The following GABPB1 variants were observed in gnomAD, a reference collection of about 807,000 sequenced individuals.
GABPB1 encodes the protein GA binding protein transcription factor subunit beta 1, also known as GA-binding protein subunit beta-1.
Under a neutral mutation model 45.9 loss-of-function variants are expected in GABPB1, and 15 were observed. The ratio of observed to expected loss-of-function variants is 0.33; its 90% CI spans 0.22 to 0.50. The LOEUF (loss-of-function observed/expected upper bound fraction) is 0.50. Ranked by LOEUF, GABPB1 falls within the 20% of genes least tolerant of loss-of-function variation. The pLI, the probability that GABPB1 is intolerant of heterozygous loss-of-function variation, is 0.98. For missense variants in GABPB1, 252 were observed against 457.5 expected, an observed-to-expected ratio of 0.55 and a Z score of 4.10; for synonymous variants, 143 against 154.4, an observed-to-expected ratio of 0.93 and a Z score of 0.55.
chr15:50,289,795 T>G, intron 6 of GABPB1, 127 bp from the exon 7 acceptor site: 2 of 629,948 alleles, frequency 3.2e-6, no homozygotes, highest in East Asian at 2.8e-5. Flanking sequence ...TAAATAGAGA[T>G]AGGGTCTCAC....
chr15:50,306,321 T>C (rs1339130124), intron 2 of GABPB1, among the ~76,000 whole-genome samples: 5 of 152,084 alleles, frequency 3.3e-5, no homozygotes, highest in East Asian at 1.9e-4. Context: ...AGTCTAGAAA[T>C]AAAACACTGC....
At position 50,309,740 on chromosome 15, in the gene GABPB1, T is replaced by G; in HGVS notation, c.59A>C (p.Asp20Ala). The G allele has an allele frequency of 6.2e-7, 1 of 1,613,632 alleles. No individual in the cohort carries two copies. The highest frequency in any genetic ancestry group is 8.5e-7 in the Non-Finnish European group (1 of 1,179,636). Reference protein sequence around the residue: ...LLEAARAGQDDEVRILMANGA... With the variant: ...LLEAARAGQDAEVRILMANGA... The stretch of plus-strand genomic sequence containing the variant: ...ATTTGCCATCAAAATACGAACTTCA[T>G]CATCTTGACCTGCTCGTGCCGCTTC... Residue 20 changes from aspartate (D) to alanine (A), a missense_variant, in exon 2 of 9, where the codon GAT becomes GCT. Transcript: ENST00000380877.
chr15:50,300,792 G>C lies in GABPB1; in HGVS notation c.694C>G (p.Pro232Ala). Residue 232 changes from proline (P) to alanine (A), a missense_variant, in exon 6 of 9, where the codon CCA (proline) becomes GCA (alanine). Physicochemically the swap from Pro to Ala is conservative, Grantham distance 27. Around this residue, in one of 4 missense-constraint regions of GABPB1, gnomAD observed 193 missense variants for 259.9 expected, o/e 0.74. Transcript: ENST00000380877. ...SAPLSNSSET[P>A]VVATEEVVTA... is the part of the protein sequence containing the mutation. ...ACATTAGACTCGTTTTTCTAACCTGGAGTTTCTGAAGAATTGGACAATGGA... is the reference window on the plus strand; with the variant it reads ...ACATTAGACTCGTTTTTCTAACCTGCAGTTTCTGAAGAATTGGACAATGGA... 4.4e-6 allele frequency: 7 copies of C among 1,594,086 alleles called. No individual in the cohort carries two copies. The highest frequency in any genetic ancestry group is 6.0e-6 in the Non-Finnish European group (7 of 1,161,944).
At chr15:50,339,840 G>A (rs182277052) in intron 1 of GABPB1, among the ~76,000 whole-genome samples, 97 of 152,122 alleles carry the variant, frequency 6.4e-4, no homozygotes, top group African/African-American at 2.3e-3. Context: ...AACTTCCCAG[G>A]CACATGACAA....
chr15:50,347,916 C>T (rs1001563643), intron 1 of GABPB1, among the ~76,000 whole-genome samples: 6 of 151,936 alleles, frequency 3.9e-5, no homozygotes, highest in African/African-American at 1.5e-4. Context: ...ATTAGCTGGG[C>T]ATGGTGGCGG....
At chr15:50,292,851 T>TGTGC (rs889331184) in intron 6 of GABPB1, among the ~76,000 whole-genome samples, 1 of 145,624 alleles carries the variant, frequency 6.9e-6, no homozygotes, top group African/African-American at 2.8e-5. Flanking sequence ...TGTATATGTG[T>TGTGC]GTGTGTGTGT....
intron 1 of GABPB1, among the ~76,000 whole-genome samples, chr15:50,323,160 T>C (rs1303989750): frequency 6.6e-6 from 1 of 152,202 alleles, no homozygotes; most frequent in East Asian, 1.9e-4. Context: ...CACTTGAACC[T>C]AGGAGTTTGA....
At chr15:50,351,295 A>C (rs2048812704) in intron 1 of GABPB1, 2 of 152,300 alleles carry the variant, frequency 1.3e-5, no homozygotes, top group African/African-American at 2.4e-5. Context: ...AATTATTCAC[A>C]GATGGGTGTG....
chr15:50,318,811 T>C (rs2047443755), intron 1 of GABPB1, among the ~76,000 whole-genome samples: 2 of 152,210 alleles, frequency 1.3e-5, no homozygotes, highest in South Asian at 4.1e-4. Flanking sequence ...AAAACTAGAC[T>C]ATTTTTCAGA....
At chr15:50,326,056 C>T (rs1051243204) in intron 1 of GABPB1, among the ~76,000 whole-genome samples, 1 of 115,598 alleles carries the variant, frequency 8.7e-6, no homozygotes, top group African/African-American at 3.4e-5. Flanking sequence ...TATAGGCGCC[C>T]ACCACCACGC....
chr15:50,350,916 C>G (rs975191715), intron 1 of GABPB1: 2 of 152,184 alleles, frequency 1.3e-5, no homozygotes, highest in Non-Finnish European at 2.9e-5. Context: ...GCTGTTACTT[C>G]TTAAAAGAAG....
chr15:50,304,538 C>T (rs1019722535), intron 2 of GABPB1, among the ~76,000 whole-genome samples: 5 of 152,030 alleles, frequency 3.3e-5, no homozygotes, highest in African/African-American at 1.2e-4. Flanking sequence ...TGGTGAAACC[C>T]CATCTCTACT....
chr15:50,334,869 T>C (rs1250526834), intron 1 of GABPB1, among the ~76,000 whole-genome samples: 1 of 152,242 alleles, frequency 6.6e-6, no homozygotes, highest in Non-Finnish European at 1.5e-5. Flanking sequence ...TTGGTTGTTT[T>C]ATTATATATC....
chr15:50,335,264 T>C (rs753637921), intron 1 of GABPB1, among the ~76,000 whole-genome samples: 4 of 152,218 alleles, frequency 2.6e-5, no homozygotes, highest in Non-Finnish European at 2.9e-5. Flanking sequence ...CGGTTAGTTC[T>C]GGTTCATCCT....
At chr15:50,285,388 T>C (rs932439857) in intron 8 of GABPB1, among the ~76,000 whole-genome samples, 9 of 152,164 alleles carry the variant, frequency 5.9e-5, no homozygotes, top group African/African-American at 1.9e-4. Flanking sequence ...GCTGCAGTTG[T>C]TCTTTCAAAG....
chr15:50,354,828 C>T (rs958955159), intron 1 of GABPB1, 157 bp downstream of exon 1: 13 of 231,102 alleles, frequency 5.6e-5, no homozygotes, highest in African/African-American at 2.4e-4. Flanking sequence ...GCGGAATAAG[C>T]GGGGCCAGGA....
At chr15:50,298,711 G>A (rs1301387054) in intron 6 of GABPB1, among the ~76,000 whole-genome samples, 2 of 152,182 alleles carry the variant, frequency 1.3e-5, no homozygotes, top group African/African-American at 2.4e-5. Context: ...CTAGCACCTT[G>A]GGAGGCCGAG....
chr15:50,277,302 G>A lies in GABPB1; in HGVS notation c.*1330C>T, dbSNP rs1443370392. 2 of 152,238 alleles carry A rather than the reference G, an allele frequency of 1.3e-5. No homozygotes were observed. Among genetic ancestry groups the A allele is most frequent in the East Asian group, 3.9e-4 (2 of 5,192 alleles). The allele number at this position is 152,238 out of a possible 1,614,324, so 9.4% of individuals were successfully genotyped here. ...TTGCAAAATAGAAAAGTAGGCCAGA[G>A]TACAGTTTTAAGGGTAATTGCTTTT... On this transcript the variant is annotated 3_prime_UTR_variant, in exon 9 of 9. Transcript: ENST00000380877.
chr15:50,335,844 C>T (rs1166064087), intron 1 of GABPB1, among the ~76,000 whole-genome samples: 2 of 132,500 alleles, frequency 1.5e-5, no homozygotes, highest in African/African-American at 2.9e-5. Flanking sequence ...TGCAGTGAGC[C>T]GAGATCATGG....
Sources: gnomAD v4.1 joint callset for allele counts (sites outside exome capture counted in the v4.1 genomes callset) on GRCh38, gnomAD v4.1.1 for gene constraint, gnomAD v4.1.1 regional missense constraint, MANE v1.5 for transcripts, NCBI Gene and HGNC (gene_info 2026-07-23, HGNC 2026-07-21) for gene names.